RXRG: variants seen among roughly 807,000 people sequenced by gnomAD.
RXRG encodes retinoid X receptor gamma.
RXRG carries 19 observed loss-of-function variants against 49.2 expected under a neutral mutation model. The ratio of observed to expected loss-of-function variants is 0.39; its 90% CI spans 0.27 to 0.57. RXRG has a LOEUF of 0.57. Among genes scored for constraint, RXRG ranks in the 20% least tolerant of loss-of-function variants. The pLI is 0.64. For missense variants in RXRG, 452 were observed against 592.5 expected, an observed-to-expected ratio of 0.76 and a Z score of 2.46; for synonymous variants, 224 against 216.6, an observed-to-expected ratio of 1.03 and a Z score of -0.30.
chr1:165,428,684 T>C (rs756498388), intron 2 of RXRG, 35 bp downstream of exon 2: 1 of 1,552,450 alleles, frequency 6.4e-7, no homozygotes, highest in South Asian at 1.2e-5. Context: ...CCATGTAAGA[T>C]GGCTGGAAAG....
At chr1:165,407,868 C>T (rs539851156) in intron 8 of RXRG, among the ~76,000 whole-genome samples, 6 of 151,854 alleles carry the variant, frequency 4.0e-5, no homozygotes, top group Non-Finnish European at 8.8e-5. Flanking sequence ...AAAAAAAAAC[C>T]CAGAGAGTCA....
In RXRG at chr1:165,436,120, T is replaced by C. The variant is rs182113334; in HGVS notation, c.50-7154A>G. On this transcript the variant is annotated intron_variant, in intron 1 of 9. Coordinates refer to ENST00000359842, the MANE Select transcript of RXRG (RefSeq NM_006917.5). ...CCAGCTTTCCCCTCACAGAGCTGGA[T>C]TGACTGTCAAAGCTACACAGAAGGG... is the stretch of plus-strand genomic sequence containing the variant. 6.1e-3 allele frequency among the ~76,000 whole-genome samples: 929 copies of C among 152,318 alleles called. 10 individuals carry two copies. The highest frequency in any genetic ancestry group is 0.022 in the African/African-American group (896 of 41,574).
At chr1:165,431,890 A>C (rs1557924165) in intron 1 of RXRG, among the ~76,000 whole-genome samples, 1 of 152,202 alleles carries the variant, frequency 6.6e-6, no homozygotes, top group South Asian at 2.1e-4. Context: ...GTTTATAGGG[A>C]GGGACTGAGC....
intron 2 of RXRG, among the ~76,000 whole-genome samples, chr1:165,421,577 T>A (rs1658317013): frequency 6.6e-6 from 1 of 150,576 alleles, no homozygotes; most frequent in Admixed American, 6.7e-5. Flanking sequence ...TTGCCCAGGC[T>A]GGAGTGCAGT....
chr1:165,406,865 A>C lies in RXRG; in HGVS notation c.1191T>G (p.Val397=). The change falls in exon 9 of 10, where the codon GTT becomes GTG. Residue 397 remains valine, a synonymous_variant. Coordinates refer to ENST00000359842, the MANE Select transcript of RXRG (RefSeq NM_006917.5). ...TGGTGTAGGCCTCAAGGGTGGCATA[A>C]ACCTTCTCTCGCAGAGTCTCCACCT... ...PSEVETLREK[V]YATLEAYTKQ... 2 of 1,613,968 alleles carry C rather than the reference A, an allele frequency of 1.2e-6. No individual in the cohort carries two copies. The highest frequency in any genetic ancestry group is 3.3e-5 in the Admixed American group (2 of 60,010).
intron 3 of RXRG, among the ~76,000 whole-genome samples, chr1:165,418,238 T>C (rs774095954): frequency 3.3e-4 from 50 of 151,696 alleles, no homozygotes; most frequent in Non-Finnish European, 3.2e-4. Flanking sequence ...CAGGGGTGGC[T>C]AATTTAGGTC....
At chr1:165,440,558 A>G (rs1460935618) in intron 1 of RXRG, among the ~76,000 whole-genome samples, 2 of 152,214 alleles carry the variant, frequency 1.3e-5, no homozygotes, top group Non-Finnish European at 2.9e-5. Context: ...GAAGCATTTC[A>G]GATTTTAGAT....
chr1:165,411,244 A>G (rs990152800), intron 4 of RXRG, 135 bp from the exon 5 acceptor site: 7 of 901,982 alleles, frequency 7.8e-6, no homozygotes, highest in African/African-American at 6.7e-5. Context: ...GGATGTTGGA[A>G]TGTTGACAGA....
At chr1:165,411,933 T>C (rs1323825215) in intron 4 of RXRG, among the ~76,000 whole-genome samples, 1 of 152,234 alleles carries the variant, frequency 6.6e-6, no homozygotes, top group East Asian at 1.9e-4. Flanking sequence ...GTAGTTTCCA[T>C]CTTATTCACA....
intron 4 of RXRG, among the ~76,000 whole-genome samples, chr1:165,416,031 C>A (rs1425512027): frequency 6.6e-6 from 1 of 152,160 alleles, no homozygotes; most frequent in Non-Finnish European, 1.5e-5. Context: ...GTTAAGATTA[C>A]AAGAATTTGT....
chr1:165,425,660 G>T (rs1658461447), intron 2 of RXRG, among the ~76,000 whole-genome samples: 1 of 152,120 alleles, frequency 6.6e-6, no homozygotes, highest in African/African-American at 2.4e-5. Context: ...GATTATAGTG[G>T]GTGGGGGTGG....
intron 2 of RXRG, among the ~76,000 whole-genome samples, chr1:165,425,669 G>A (rs1387744491): frequency 1.3e-5 from 2 of 152,166 alleles, no homozygotes; most frequent in Admixed American, 1.3e-4. Flanking sequence ...GGGTGGGGGT[G>A]GCATAAATAC....
At chr1:165,406,773 G>T in intron 9 of RXRG, 39 bp downstream of exon 9, 3 of 1,416,236 alleles carry the variant, frequency 2.1e-6, no homozygotes, top group Non-Finnish European at 2.0e-6. Context: ...AGTGGGAGTA[G>T]TTGCTGCTGT....
At chr1:165,404,076 A>G (rs973527020) in intron 9 of RXRG, among the ~76,000 whole-genome samples, 1 of 152,212 alleles carries the variant, frequency 6.6e-6, no homozygotes, top group Admixed American at 6.5e-5. Context: ...GTTTCCACAG[A>G]GTGGCAGCAC....
In RXRG at chr1:165,444,857, C is replaced by A; in HGVS notation, c.37G>T (p.Ala13Ser). Residue 13 changes from alanine (A) to serine (S), a missense_variant, in exon 1 of 10, where the codon GCA becomes TCA. Coordinates refer to ENST00000359842, the MANE Select transcript of RXRG (RefSeq NM_006917.5). ...GGGAGATACTTACCTCCATAGCCTG[C>A]GGGAAACTTCATGAAGTGAGAATAA... Reference protein sequence around the residue: ...GNYSHFMKFPAGYGGSPGHTG... With the variant: ...GNYSHFMKFPSGYGGSPGHTG... The A allele has an allele frequency of 6.2e-7, 1 of 1,614,092 alleles. No homozygotes were observed. Among genetic ancestry groups the A allele is most frequent in the Non-Finnish European group, 8.5e-7 (1 of 1,179,936 alleles).
chr1:165,409,712 C>G (rs547332336), intron 6 of RXRG, 22 bp from the exon 7 acceptor site: 10 of 1,460,834 alleles, frequency 6.8e-6, no homozygotes, highest in Non-Finnish European at 9.1e-6. Flanking sequence ...AGGAGGAGGT[C>G]TTGAGGGAAA....
At chr1:165,443,204 C>G (rs1557930052) in intron 1 of RXRG, among the ~76,000 whole-genome samples, 1 of 152,162 alleles carries the variant, frequency 6.6e-6, no homozygotes, top group Non-Finnish European at 1.5e-5. Context: ...AGCTTCAACC[C>G]TTTTATTCAC....
chr1:165,410,631 G>A, intron 6 of RXRG, 71 bp downstream of exon 6: 1 of 1,569,096 alleles, frequency 6.4e-7, no homozygotes, highest in Non-Finnish European at 8.7e-7. Flanking sequence ...GCTCCATCAG[G>A]CTACTTTTTT....
chr1:165,423,524 G>A lies in RXRG; in HGVS notation c.298-3510C>T, dbSNP rs143361764. ...GGTTAGGCTGCAGGCAGGCACTCCC[G>A]TTCCAGGGAGCAGAACTCTTATAGT... On this transcript the variant is annotated intron_variant, in intron 2 of 9. Transcript: ENST00000359842. Among the ~76,000 whole-genome samples, 113 of 152,292 alleles carry A rather than the reference G, an allele frequency of 7.4e-4. No individual in the cohort carries two copies. In the East Asian group the frequency reaches 0.02, roughly 27 times the overall value.
Sources: allele counts gnomAD v4.1 joint callset (sites outside exome capture counted in the v4.1 genomes callset), GRCh38; gene constraint gnomAD v4.1.1; transcripts MANE v1.5; gene names NCBI Gene and HGNC (gene_info 2026-07-23, HGNC 2026-07-21).